The following RPS6KC1 variants were observed in gnomAD, a reference collection of about 807,000 sequenced individuals.
The protein encoded by RPS6KC1 is inactive ribosomal protein S6 kinase delta-1.
A neutral mutation model predicts 103.8 loss-of-function variants in RPS6KC1; 54 were observed. That is an observed-to-expected ratio of 0.52 (90% CI 0.42 to 0.65). The LOEUF (loss-of-function observed/expected upper bound fraction) is 0.65. Ranked by LOEUF, RPS6KC1 falls within the 30% of genes least tolerant of loss-of-function variation. The probability of loss-of-function intolerance (pLI) is 0.00; values close to 1 mark genes in which losing one functional copy is unlikely to be tolerated. For missense variants in RPS6KC1, 1,151 were observed against 1,253.8 expected (o/e 0.92, Z 1.24); for synonymous variants, 439 against 438.7 (o/e 1.00, Z -0.01).
the RPS6KC1 span, among the ~76,000 whole-genome samples, chr1:213,557,729 A>G: frequency 2.0e-5 from 3 of 152,130 alleles, no homozygotes; most frequent in African/African-American, 7.2e-5. Context: ...TCTCCTCCTT[A>G]AGGTTATTGT....
chr1:213,716,860 A>C, the RPS6KC1 span, among the ~76,000 whole-genome samples: 1 of 152,214 alleles, frequency 6.6e-6, no homozygotes, highest in Non-Finnish European at 1.5e-5. Flanking sequence ...TAACATCCCT[A>C]TGAAAAATAC....
At chr1:213,136,318 T>C (rs2086261649) in intron 6 of RPS6KC1, among the ~76,000 whole-genome samples, 1 of 152,176 alleles carries the variant, frequency 6.6e-6, no homozygotes, top group South Asian at 2.1e-4. Context: ...TTCACCTCTG[T>C]CTTTGTAACC....
chr1:213,385,505 G>A, the RPS6KC1 span, among the ~76,000 whole-genome samples: 22 of 152,184 alleles, frequency 1.4e-4, no homozygotes, highest in Admixed American at 1.3e-3. Context: ...TAACATTGAC[G>A]TGGTGGAGGA....
the RPS6KC1 span, among the ~76,000 whole-genome samples, chr1:213,630,428 A>T: frequency 5.1e-4 from 78 of 152,196 alleles, no homozygotes; most frequent in African/African-American, 1.8e-3. Context: ...TTTCAGCTCC[A>T]TCAGGTCCTT....
chr1:213,080,532 A>G (rs1201759077), intron 3 of RPS6KC1, among the ~76,000 whole-genome samples: 1 of 152,198 alleles, frequency 6.6e-6, no homozygotes, highest in Non-Finnish European at 1.5e-5. Context: ...CTCGTAATGT[A>G]TAGAATAATT....
the RPS6KC1 span, among the ~76,000 whole-genome samples, chr1:213,424,891 C>G: frequency 6.6e-6 from 1 of 152,214 alleles, no homozygotes; most frequent in Admixed American, 6.5e-5. Context: ...CACCGCTCTT[C>G]TTCCAGCATC....
the RPS6KC1 span, among the ~76,000 whole-genome samples, chr1:213,599,147 A>G: frequency 6.6e-6 from 1 of 152,162 alleles, no homozygotes; most frequent in Non-Finnish European, 1.5e-5. Flanking sequence ...AAGCTAGAAG[A>G]TGAGTGTTGT....
At chr1:213,837,453 A>C in the RPS6KC1 span, among the ~76,000 whole-genome samples, 1 of 152,132 alleles carries the variant, frequency 6.6e-6, no homozygotes, top group Admixed American at 6.6e-5. Flanking sequence ...ATGATTAATA[A>C]TTTCTTTTTG....
At chr1:213,482,321 T>C in the RPS6KC1 span, among the ~76,000 whole-genome samples, 1 of 152,152 alleles carries the variant, frequency 6.6e-6, no homozygotes, top group African/African-American at 2.4e-5. Context: ...CCATCTCTTT[T>C]ATCTGCCTTT....
At chr1:213,418,756 C>T in the RPS6KC1 span, among the ~76,000 whole-genome samples, 1 of 152,154 alleles carries the variant, frequency 6.6e-6, no homozygotes, top group African/African-American at 2.4e-5. Flanking sequence ...TCTGGCTGGC[C>T]GGGTCCTGTT....
At chr1:213,220,421 A>T (rs1558568185) in intron 8 of RPS6KC1, among the ~76,000 whole-genome samples, 1 of 152,116 alleles carries the variant, frequency 6.6e-6, no homozygotes, top group Non-Finnish European at 1.5e-5. Context: ...CTGCCTCCCA[A>T]GTTTAAGTGA....
At chr1:213,468,835 G>A in the RPS6KC1 span, among the ~76,000 whole-genome samples, 4 of 152,130 alleles carry the variant, frequency 2.6e-5, no homozygotes, top group Non-Finnish European at 4.4e-5. Context: ...CTTCACTCAC[G>A]ATGTGCCAGC....
the RPS6KC1 span, among the ~76,000 whole-genome samples, chr1:213,779,796 A>G: frequency 2.0e-5 from 3 of 152,246 alleles, no homozygotes; most frequent in African/African-American, 7.2e-5. Flanking sequence ...GATGCGCAGA[A>G]AAGTTCTGCT....
chr1:213,269,403 G>C (rs573312159), intron 14 of RPS6KC1, among the ~76,000 whole-genome samples: 1 of 152,278 alleles, frequency 6.6e-6, no homozygotes, highest in Admixed American at 6.5e-5. Context: ...AATTAGCAAG[G>C]ACATTGAAGA....
intron 12 of RPS6KC1, among the ~76,000 whole-genome samples, chr1:213,250,632 A>G (rs2094529324): frequency 6.6e-6 from 1 of 152,196 alleles, no homozygotes; most frequent in African/African-American, 2.4e-5. Context: ...ACTCATTTCA[A>G]GTACAAGGTC....
chr1:213,060,921 C>CATTGTCTTTTTCTTGTAAGCGCAGT (rs2077776073), intron 1 of RPS6KC1, among the ~76,000 whole-genome samples: 1 of 152,098 alleles, frequency 6.6e-6, no homozygotes, highest in African/African-American at 2.4e-5. Context: ...TAGATGGCTT[C>CATTGTCTTTTTCTTGTAAGCGCAGT]AACAATAGAC....
the RPS6KC1 span, among the ~76,000 whole-genome samples, chr1:213,483,292 G>A: frequency 2.6e-5 from 4 of 152,182 alleles, no homozygotes; most frequent in African/African-American, 7.2e-5. Flanking sequence ...CTCCCATGAC[G>A]TGGGGATTAT....
At chr1:213,506,054 G>A in the RPS6KC1 span, among the ~76,000 whole-genome samples, 9 of 152,264 alleles carry the variant, frequency 5.9e-5, no homozygotes, top group African/African-American at 1.9e-4. Flanking sequence ...AGCCAGAGTG[G>A]GGTAGAGAGT....
chr1:213,742,043 C>T, the RPS6KC1 span, among the ~76,000 whole-genome samples: 1 of 152,128 alleles, frequency 6.6e-6, no homozygotes, highest in Admixed American at 6.5e-5. Flanking sequence ...TTGTCTTTGG[C>T]ATAAGAGCCT....
Sources: gnomAD v4.1 joint callset for allele counts (sites outside exome capture counted in the v4.1 genomes callset) on GRCh38, gnomAD v4.1.1 for gene constraint, MANE v1.5 for transcripts, NCBI Gene and HGNC (gene_info 2026-07-23, HGNC 2026-07-21) for gene names.